The following XIST variants were observed in gnomAD, a reference collection of about 807,000 sequenced individuals.
XIST encodes X inactive specific transcript (non-protein coding).
At chrX:73,828,182 T>A (rs1317715336) in intron 5 of XIST, 1 of 367,500 alleles carries the variant, frequency 2.7e-6, no homozygotes, top group Non-Finnish European at 4.7e-6. Flanking sequence ...CAACCACCAA[T>A]ACCAACACAG....
At chrX:73,831,422 T>C (rs914422760) in intron 3 of XIST, 1 of 364,777 alleles carries the variant, frequency 2.7e-6, no homozygotes, top group African/African-American at 2.6e-5. Flanking sequence ...GCGGAGCTGT[T>C]ATATTCTGGC....
chrX:73,821,313 ACAGTT>A (rs746229820), exon 6 of XIST: 1 of 555,166 alleles, frequency 1.8e-6, no homozygotes, highest in Admixed American at 2.2e-5. Context: ...TATAGAAACT[ACAGTT>A]CAGATGCTTT....
chrX:73,848,765 A>C (rs779417420), exon 1 of XIST: 2 of 558,775 alleles, frequency 3.6e-6, no homozygotes, highest in Non-Finnish European at 6.5e-6. Flanking sequence ...TAAGAGAAGG[A>C]AACTTGGGTA....
intron 1 of XIST, among the ~76,000 whole-genome samples, chrX:73,839,690 T>C (rs1038235365): frequency 9.0e-6 from 1 of 111,335 alleles, no homozygotes; most frequent in Non-Finnish European, 1.9e-5. Flanking sequence ...ATCTCTATTT[T>C]GAAGATGCCC....
At chrX:73,850,874 G>A (rs778579975) in exon 1 of XIST, 11 of 541,227 alleles carry the variant, frequency 2.0e-5, no homozygotes, top group East Asian at 1.7e-4. Flanking sequence ...GCACTGGACA[G>A]GAGGGGACAA....
chrX:73,825,371 C>G (rs1362690598), exon 6 of XIST: 5 of 557,230 alleles, frequency 9.0e-6, no homozygotes, highest in Admixed American at 2.2e-5. Context: ...TATGCTTGCT[C>G]CTTTCTTTGT....
At chrX:73,841,532 T>C (rs1408267201) in exon 1 of XIST, 2 of 558,746 alleles carry the variant, frequency 3.6e-6, no homozygotes, top group Non-Finnish European at 6.5e-6. Context: ...TTGTGATGAC[T>C]AGTTATTTGC....
chrX:73,824,984 T>C (rs1451000829), exon 6 of XIST: 1 of 516,484 alleles, frequency 1.9e-6, no homozygotes, highest in Non-Finnish European at 3.5e-6. Context: ...ATTCATCCAT[T>C]CATTCATTCA....
At chrX:73,849,661 G>A (rs1167714767) in exon 1 of XIST, 1 of 556,243 alleles carries the variant, frequency 1.8e-6, no homozygotes, top group Non-Finnish European at 3.2e-6. Context: ...GGGATTGTAT[G>A]CATTAACTGA....
intron 4 of XIST, chrX:73,829,278 G>T (rs754322058): frequency 1.1e-5 from 6 of 528,340 alleles, no homozygotes; most frequent in Non-Finnish European, 2.0e-5. Context: ...TAAATATTGA[G>T]TACTGTGCTA....
chrX:73,844,785 T>C, exon 1 of XIST: 2 of 556,935 alleles, frequency 3.6e-6, no homozygotes. Context: ...AGTAAGGCCT[T>C]ATTCAGATGA....
exon 6 of XIST, chrX:73,821,785 AATT>A (rs761371291): frequency 7.8e-6 from 4 of 513,441 alleles, no homozygotes; most frequent in Non-Finnish European, 1.4e-5. Flanking sequence ...AATTTTGGCC[AATT>A]ATTTCCAATT....
At chrX:73,843,514 G>C (rs746050791) in exon 1 of XIST, 2 of 558,323 alleles carry the variant, frequency 3.6e-6, no homozygotes, top group East Asian at 6.5e-5. Flanking sequence ...AAAAGAAAAG[G>C]GTTCATTCAT....
intron 2 of XIST, chrX:73,837,401 A>C: frequency 2.1e-6 from 1 of 470,536 alleles, no homozygotes; most frequent in South Asian, 3.2e-5. Flanking sequence ...AAAACTGTGA[A>C]GTTCATCAAA....
chrX:73,848,215 C>A (rs995415893), exon 1 of XIST: 41 of 554,933 alleles, frequency 7.4e-5, no homozygotes, highest in Admixed American at 5.6e-4. Context: ...TCCCAAGTAC[C>A]CCCTGCTGTA....
At chrX:73,852,587 T>G in exon 1 of XIST, 2 of 492,107 alleles carry the variant, frequency 4.1e-6, no homozygotes. Context: ...TTTATGGAAT[T>G]TAGGTGATTT....
At chrX:73,827,243 T>A (rs773531981) in exon 6 of XIST, 1 of 558,631 alleles carries the variant, frequency 1.8e-6, no homozygotes, top group Non-Finnish European at 3.2e-6. Flanking sequence ...TAGCCGACGT[T>A]CTGCACCTAT....
chrX:73,825,349 A>G (rs767932908), exon 6 of XIST: 5 of 557,818 alleles, frequency 9.0e-6, no homozygotes, highest in Non-Finnish European at 1.6e-5. Context: ...TCCTTTTGAA[A>G]GAGCACTTTT....
At chrX:73,848,043 T>C in exon 1 of XIST, 1 of 558,937 alleles carries the variant, frequency 1.8e-6, no homozygotes, top group Non-Finnish European at 3.2e-6. Context: ...GTGAGTGGGG[T>C]CTTTAGTGCA....
Sources: gnomAD v4.1 joint callset for allele counts (sites outside exome capture counted in the v4.1 genomes callset) on GRCh38, gnomAD v4.1.1 for gene constraint, MANE v1.5 for transcripts, NCBI Gene and HGNC (gene_info 2026-07-23, HGNC 2026-07-21) for gene names.